ITIH1: variants seen among roughly 807,000 people sequenced by gnomAD.
ITIH1 encodes the protein inter-alpha-trypsin inhibitor heavy chain H1.
Under a neutral mutation model 104.6 loss-of-function variants are expected in ITIH1, and 94 were observed. The observed-to-expected ratio is 0.90, with a 90% CI of 0.76 to 1.07. The LOEUF is 1.07. ITIH1 is among the 50% of genes least tolerant of loss of function. The pLI is 0.00. For missense variants in ITIH1, 1,193 were observed against 1,181.4 expected (o/e 1.01, Z -0.14); for synonymous variants, 455 against 464.4 (o/e 0.98, Z 0.26).
chr3:52,781,209 TTCTTC>T lies in ITIH1; in HGVS notation c.688-729_688-725del, dbSNP rs1422681544. 5.0e-3 allele frequency among the ~76,000 whole-genome samples: 71 copies of T among 14,330 alleles called. 5 individuals carry two copies. The highest frequency in any genetic ancestry group is 0.011 in the African/African-American group (49 of 4,570). The allele number at this position is 14,330 out of a possible 152,430, so 9.4% of individuals were successfully genotyped here. A position where few individuals can be genotyped will look rare whatever the true frequency, so the allele number is the denominator to read the frequency against. On this transcript the variant is annotated intron_variant, in intron 6 of 21. Coordinates refer to ENST00000273283, the MANE Select transcript of ITIH1 (RefSeq NM_002215.4). ...ACCTCCTCCTCTTCTTTTTTTTTTT[TTCTTC>T]TTCTTCTTCTTCTTCTTCTTCTTCT... is the stretch of plus-strand genomic sequence containing the variant.
chr3:52,780,942 C>T (rs1156544269), intron 6 of ITIH1, among the ~76,000 whole-genome samples: 3 of 152,204 alleles, frequency 2.0e-5, no homozygotes, highest in South Asian at 2.1e-4. Flanking sequence ...GCCCCCAACC[C>T]GAGCCAGGAA....
intron 18 of ITIH1, among the ~76,000 whole-genome samples, chr3:52,789,130 G>C (rs910908715): frequency 1.3e-5 from 2 of 150,424 alleles, no homozygotes; most frequent in Non-Finnish European, 3.0e-5. Flanking sequence ...CACCAACGAG[G>C]GGCTGGGAAT....
chr3:52,790,729 T>C lies in ITIH1; in HGVS notation c.2322-20T>C. On this transcript the variant is annotated intron_variant, in intron 19 of 21. Coordinates refer to ENST00000273283, the MANE Select transcript of ITIH1 (RefSeq NM_002215.4). ...ATGCAGTGCAGCCGCACCTGCCCTC[T>C]CGGCCACCTGGCTCTGCAGGGTGGT... 1 of 1,605,254 alleles carries C rather than the reference T, an allele frequency of 6.2e-7. No individual in the cohort carries two copies.
intron 2 of ITIH1, 123 bp from the exon 3 acceptor site, chr3:52,778,217 G>C (rs1005608205): frequency 8.6e-7 from 1 of 1,157,228 alleles, no homozygotes; most frequent in Non-Finnish European, 1.3e-6. Flanking sequence ...TCTTCCTGCG[G>C]TCTGTTCTTC....
intron 13 of ITIH1, 70 bp downstream of exon 13, chr3:52,786,504 C>T: frequency 6.9e-7 from 1 of 1,447,972 alleles, no homozygotes; most frequent in South Asian, 1.3e-5. Context: ...TGGAGGTGAG[C>T]AGAGGAGGGG....
In ITIH1 at chr3:52,778,720, T is replaced by C. The variant is rs1698966213; in HGVS notation, c.305+214T>C. 4.6e-5 allele frequency: 65 copies of C among 1,416,850 alleles called. 1 individual carries two copies. In the South Asian group the frequency reaches 9.6e-4, roughly 21 times the overall value. 87.8% of individuals were successfully genotyped at this position (1,416,850 alleles called of 1,614,324 possible). A position where few individuals can be genotyped will look rare whatever the true frequency, so the allele number is the denominator to read the frequency against. ...AAACTGGGACCCATCACAGCATGTT[T>C]CAGGCTAGAACCCAAGGAGCCAAGG... On this transcript the variant is annotated intron_variant, in intron 3 of 21. Transcript: ENST00000273283.
Position 52,779,288 on chromosome 3 carries a change from C to A in ITIH1, c.411-144C>A. 1 of 937,240 alleles carries A rather than the reference C, an allele frequency of 1.1e-6. No homozygotes were observed. The highest frequency in any genetic ancestry group is 1.7e-6 in the Non-Finnish European group (1 of 605,324). 58.1% of individuals were successfully genotyped at this position (937,240 alleles called of 1,614,324 possible). On this transcript the variant is annotated intron_variant, in intron 4 of 21. Coordinates refer to ENST00000273283, the MANE Select transcript of ITIH1 (RefSeq NM_002215.4). This position sits in a 1 kb window ranked among gnomAD's most constrained non-coding sequence, Gnocchi z 4.4. ...TTGGGCCCTGACCCTGACCAGCCAG[C>A]TAACACATTTGTGAGGTCCAGGGAA...
In ITIH1 at chr3:52,779,778, C is replaced by G. The variant is rs756940961; in HGVS notation, c.573+184C>G. The G allele has an allele frequency of 1.5e-5, 16 of 1,041,870 alleles. No homozygotes were observed. Among genetic ancestry groups the G allele is most frequent in the Non-Finnish European group, 2.2e-5 (16 of 727,838 alleles). 64.5% of individuals were successfully genotyped at this position (1,041,870 alleles called of 1,614,324 possible). On this transcript the variant is annotated intron_variant, in intron 5 of 21. Coordinates refer to ENST00000273283, the MANE Select transcript of ITIH1 (RefSeq NM_002215.4). This position sits in a 1 kb window ranked among gnomAD's most constrained non-coding sequence, Gnocchi z 4.4. Reference sequence around the variant, plus strand: ...GGGAACTCCCTGAATTCTCTAACTTCCTCTTTATCTCTGAGCTTCGGTTTG... The same window carrying G: ...GGGAACTCCCTGAATTCTCTAACTTGCTCTTTATCTCTGAGCTTCGGTTTG...
At chr3:52,778,870 T>C (rs1179606777) in intron 3 of ITIH1, 72 bp from the exon 4 acceptor site, 3 of 1,203,050 alleles carry the variant, frequency 2.5e-6, no homozygotes, top group African/African-American at 3.0e-5. Context: ...AGGGCTCACA[T>C]GGACAGGCCC....
rs3217089 is a variant in ITIH1 at position 52,790,268 on chromosome 3, G to GTTCATTCA, written c.2321+431_2321+438dup. ...TGACTTTTCCTTCCTTTACTAATTC[G>GTTCATTCA]TTCATTCATTCATTCATTCATTCAA... On this transcript the variant is annotated intron_variant, in intron 19 of 21. Transcript: ENST00000273283. 874 of 249,784 alleles carry GTTCATTCA rather than the reference G, an allele frequency of 3.5e-3. 12 individuals carry two copies. Among genetic ancestry groups the GTTCATTCA allele is most frequent in the African/African-American group, 0.018 (798 of 44,332 alleles). 15.5% of individuals were successfully genotyped at this position (249,784 alleles called of 1,614,324 possible). A position where few individuals can be genotyped will look rare whatever the true frequency, so the allele number is the denominator to read the frequency against.
intron 3 of ITIH1, 123 bp downstream of exon 3, chr3:52,778,629 A>C: frequency 6.6e-7 from 1 of 1,508,834 alleles, no homozygotes; most frequent in Non-Finnish European, 8.9e-7. Context: ...AGGGCCACAG[A>C]CCAGCCCTGG....
At chr3:52,783,414 C>T (rs1699114830) in intron 10 of ITIH1, 75 bp downstream of exon 10, 2 of 1,526,118 alleles carry the variant, frequency 1.3e-6, no homozygotes, top group Non-Finnish European at 1.8e-6. Context: ...AAGTTGGAAA[C>T]CCAACCATTG....
Position 52,781,206 on chromosome 3 carries a change from TTTTTCTTCTTCTTCTTC to T in ITIH1, c.688-731_688-715del, listed in dbSNP as rs1429052662. ...TTCACCTCCTCCTCTTCTTTTTTTTTTTTTCTTCTTCTTCTTCTTCTTCTTCTTCTTCTTCTTCTTCT... is the reference window on the plus strand; with the variant it reads ...TTCACCTCCTCCTCTTCTTTTTTTTTTTCTTCTTCTTCTTCTTCTTCTTCT... On this transcript the variant is annotated intron_variant, in intron 6 of 21. Coordinates refer to ENST00000273283, the MANE Select transcript of ITIH1 (RefSeq NM_002215.4). 1.7e-3 allele frequency among the ~76,000 whole-genome samples: 127 copies of T among 74,522 alleles called. 8 individuals are homozygous for T. Among genetic ancestry groups the T allele is most frequent in the African/African-American group, 5.0e-3 (79 of 15,882 alleles). The allele number at this position is 74,522 out of a possible 152,430, so 48.9% of individuals were successfully genotyped here.
At chr3:52,781,391 C>A (rs561932975) in intron 6 of ITIH1, among the ~76,000 whole-genome samples, 1 of 151,760 alleles carries the variant, frequency 6.6e-6, no homozygotes, top group Admixed American at 6.6e-5. Context: ...TTTGCTTCTG[C>A]TTCTTTTTGA....
chr3:52,786,228 C>G (rs1286482811), intron 12 of ITIH1, 67 bp from the exon 13 acceptor site: 8 of 1,500,242 alleles, frequency 5.3e-6, no homozygotes, highest in Non-Finnish European at 7.2e-6. Flanking sequence ...CCCCTCAGAG[C>G]CCCTAGCACC....
rs772595211 is a variant in ITIH1 at position 52,786,951 on chromosome 3, G to A, written c.1740G>A (p.Lys580=). The change falls in exon 14 of 22, where the codon AAG becomes AAA. Residue 580 remains lysine, a synonymous_variant. Transcript: ENST00000273283. ...TIQELLAKRM[K]VDREERANLS... is the part of the protein sequence containing the mutation. The stretch of plus-strand genomic sequence containing the variant: ...GCCTCTGTCTTGAATGCAGGATGAA[G>A]GTGGACAGGGAGGAGAGGGCCAACC... 11 of 1,612,000 alleles carry A rather than the reference G, an allele frequency of 6.8e-6. No homozygotes were observed. In the Admixed American group the frequency reaches 1.5e-4, roughly 22 times the overall value.
chr3:52,786,399 G>A lies in ITIH1; in HGVS notation c.1698G>A (p.Trp566Ter). 8 of 1,586,390 alleles carry A rather than the reference G, an allele frequency of 5.0e-6. No individual in the cohort carries two copies. Among genetic ancestry groups the A allele is most frequent in the Middle Eastern group, 1.7e-4 (1 of 5,976 alleles). Residue 566 changes from tryptophan (W) to a stop codon, truncating the protein, a stop_gained, in exon 13 of 22, where the codon TGG becomes TGA. Transcript: ENST00000273283. LOFTEE classifies it high-confidence loss of function. ...HMLENHVERL[W>*]AYLTIQELLA... ...TGGAGAACCACGTCGAGCGCCTCTG[G>A]GCCTACCTCACCATCCAGGAGCTGC...
rs200805624 is a variant in ITIH1 at position 52,787,169 on chromosome 3, C to A, written c.1889-19C>A. On this transcript the variant is annotated intron_variant, in intron 14 of 21. Transcript: ENST00000273283. ...AAACCTCTGGGGCTCTAATTATTTT[C>A]TCTTTCTCTCCCTTCCAGATTCTCC... 4.4e-5 allele frequency: 71 copies of A among 1,614,156 alleles called. No individual in the cohort carries two copies. The highest frequency in any genetic ancestry group is 2.5e-4 in the East Asian group (11 of 44,884).
chr3:52,782,852 C>A, intron 8 of ITIH1, 105 bp from the exon 9 acceptor site: 3 of 1,146,074 alleles, frequency 2.6e-6, no homozygotes, highest in Admixed American at 2.1e-5. Context: ...TCTCCTCCTG[C>A]TTGTCCACCC....
Sources: gnomAD v4.1 joint callset for allele counts (sites outside exome capture counted in the v4.1 genomes callset) on GRCh38, gnomAD v4.1.1 for gene constraint, Gnocchi (gnomAD v3.1) non-coding constraint, MANE v1.5 for transcripts, NCBI Gene and HGNC (gene_info 2026-07-23, HGNC 2026-07-21) for gene names.